Variants in SLC17A6 observed in about 807,000 individuals in gnomAD.
SLC17A6 encodes solute carrier family 17 member 6.
SLC17A6 carries 35 observed loss-of-function variants against 67.1 expected under a neutral mutation model. The ratio of observed to expected loss-of-function variants is 0.52; its 90% CI spans 0.40 to 0.69. SLC17A6 has a LOEUF of 0.69. Ranked by LOEUF, SLC17A6 falls within the 30% of genes least tolerant of loss-of-function variation. SLC17A6 has a pLI of 0.00. For synonymous variants in SLC17A6, 285 were observed against 252.3 expected, an observed-to-expected ratio of 1.13 and a Z score of -1.23; for missense variants, 588 against 723.9, an observed-to-expected ratio of 0.81 and a Z score of 2.15.
chr11:22,342,957 G>C (rs1011287563), intron 2 of SLC17A6: 2 of 523,438 alleles, frequency 3.8e-6, no homozygotes, highest in African/African-American at 3.8e-5. Flanking sequence ...CAAGACGGGG[G>C]CCCTCTAGAT....
chr11:22,354,373 C>A (rs563494281), intron 3 of SLC17A6, among the ~76,000 whole-genome samples: 18 of 152,122 alleles, frequency 1.2e-4, no homozygotes, highest in Admixed American at 3.3e-4. Context: ...CGTGAGCCAC[C>A]GCGCCCGGCA....
rs758819904 is a variant in SLC17A6, at chr11:22,338,564, C to T, written c.31C>T (p.Pro11Ser). 1 of 1,613,556 alleles carries T rather than the reference C, an allele frequency of 6.2e-7. No individual in the cohort carries two copies. Among genetic ancestry groups the T allele is most frequent in the South Asian group, 1.1e-5 (1 of 90,996 alleles). ...ATCCGTAAAACAAAGGATTTTGGCC[C>T]CAGGAAAAGAGGGGCTAAAGAATTT... MESVKQRILA[P>S]GKEGLKNFAG... Residue 11 changes from proline (P) to serine (S), a missense_variant, in exon 1 of 12, where the codon CCA becomes TCA. Physicochemically the swap from Pro to Ser is moderately conservative, Grantham distance 74. This residue lies in a region of SLC17A6 where 117 missense variants were observed against 98.7 expected (regional missense o/e 1.19). Transcript: ENST00000263160.
At chr11:22,377,327 G>T in intron 11 of SLC17A6, 78 bp from the exon 12 acceptor site, 1 of 1,300,530 alleles carries the variant, frequency 7.7e-7, no homozygotes, top group Non-Finnish European at 1.1e-6. Context: ...AAACTCAGTG[G>T]TGGTGCATTC....
intron 7 of SLC17A6, among the ~76,000 whole-genome samples, chr11:22,368,353 G>C (rs532375118): frequency 6.6e-6 from 1 of 151,806 alleles, no homozygotes; most frequent in Non-Finnish European, 1.5e-5. Context: ...TTTTAAATCT[G>C]TTTTTCTTTA....
intron 7 of SLC17A6, among the ~76,000 whole-genome samples, chr11:22,366,810 G>C (rs182022972): frequency 6.6e-6 from 1 of 152,164 alleles, no homozygotes; most frequent in Admixed American, 6.5e-5. Flanking sequence ...TTTGAGACCA[G>C]TCTGGCCAAC....
Position 22,343,233 on chromosome 11 carries a change from C to T in SLC17A6, c.340-14C>T, listed in dbSNP as rs779510431. 1 of 1,606,870 alleles carries T rather than the reference C, an allele frequency of 6.2e-7. No individual in the cohort carries two copies. The highest frequency in any genetic ancestry group is 2.2e-5 in the East Asian group (1 of 44,834). On this transcript the variant is annotated splice_polypyrimidine_tract_variant and intron_variant, in intron 2 of 11. Transcript: ENST00000263160. ...TACTCTTTCCCTTCACACTTTTTTCCTACCCCTCCATAGAAAGCCAAATTC... is the reference window on the plus strand; with the variant it reads ...TACTCTTTCCCTTCACACTTTTTTCTTACCCCTCCATAGAAAGCCAAATTC...
Position 22,361,125 on chromosome 11 carries a change from C to A in SLC17A6, c.661+141C>A, listed in dbSNP as rs543660108. 6.1e-4 allele frequency: 341 copies of A among 563,374 alleles called. 1 individual carries two copies. The highest frequency in any genetic ancestry group is 9.0e-4 in the Non-Finnish European group (286 of 317,420). The allele number at this position is 563,374 out of a possible 1,614,324, so 34.9% of individuals were successfully genotyped here. A position where few individuals can be genotyped will look rare whatever the true frequency, so the allele number is the denominator to read the frequency against. ...TGTGAGTGGTAAGGTTTTTGACCAC[C>A]ATTTCCATTTCTTTAGTTTTATTGT... On this transcript the variant is annotated intron_variant, in intron 5 of 11. Coordinates refer to ENST00000263160, the MANE Select transcript of SLC17A6 (RefSeq NM_020346.3).
At chr11:22,347,732 T>G (rs543625699) in intron 3 of SLC17A6, among the ~76,000 whole-genome samples, 1 of 152,322 alleles carries the variant, frequency 6.6e-6, no homozygotes, top group East Asian at 1.9e-4. Context: ...TTTAAAGAGC[T>G]GTTTTAAAAA....
At chr11:22,353,530 T>TA (rs1190560365) in intron 3 of SLC17A6, among the ~76,000 whole-genome samples, 1 of 152,132 alleles carries the variant, frequency 6.6e-6, no homozygotes, top group Non-Finnish European at 1.5e-5. Flanking sequence ...CACAGGGTAA[T>TA]AAAAAAAGAA....
chr11:22,363,391 A>G (rs1856074256), intron 6 of SLC17A6, among the ~76,000 whole-genome samples: 1 of 152,238 alleles, frequency 6.6e-6, no homozygotes, highest in African/African-American at 2.4e-5. Flanking sequence ...TCCTAAGTCT[A>G]AAACAGTCTT....
At position 22,376,531 on chromosome 11, in the gene SLC17A6, T is replaced by C. The variant is rs201792943; in HGVS notation, c.1286-14T>C. The stretch of plus-strand genomic sequence containing the variant: ...TTAGGATGCCCTGAGTCAAAACTTA[T>C]GTGTGTATTTCAGGTTTCAATGTTA... On this transcript the variant is annotated splice_polypyrimidine_tract_variant and intron_variant, in intron 10 of 11. Transcript: ENST00000263160. 8.1e-5 allele frequency: 130 copies of C among 1,613,792 alleles called. 1 individual carries two copies. The highest frequency in any genetic ancestry group is 6.7e-5 in the Admixed American group (4 of 60,006).
At position 22,376,105 on chromosome 11, in the gene SLC17A6, T is replaced by C. The variant is rs1856229898; in HGVS notation, c.1285+13T>C. The C allele has an allele frequency of 7.6e-6, 12 of 1,585,610 alleles. No individual in the cohort carries two copies. Among genetic ancestry groups the C allele is most frequent in the Middle Eastern group, 1.7e-4 (1 of 5,916 alleles). On this transcript the variant is annotated intron_variant, in intron 10 of 11. Coordinates refer to ENST00000263160, the MANE Select transcript of SLC17A6 (RefSeq NM_020346.3). ...TTTGCTATATCTGGTAAGATATAAT[T>C]TTTTTTCTTTGTACTTGGGACATTC...
intron 7 of SLC17A6, among the ~76,000 whole-genome samples, chr11:22,368,479 G>C (rs1165957601): frequency 6.6e-6 from 1 of 151,906 alleles, no homozygotes; most frequent in Non-Finnish European, 1.5e-5. Context: ...AACATTATCA[G>C]AATACCATAA....
At chr11:22,374,194 C>T (rs1446018513) in intron 8 of SLC17A6, among the ~76,000 whole-genome samples, 1 of 151,880 alleles carries the variant, frequency 6.6e-6, no homozygotes, top group East Asian at 1.9e-4. Flanking sequence ...TATATGCCAC[C>T]ATACAAAAAT....
At chr11:22,350,458 C>T (rs1192645495) in intron 3 of SLC17A6, among the ~76,000 whole-genome samples, 4 of 149,900 alleles carry the variant, frequency 2.7e-5, no homozygotes, top group Admixed American at 2.7e-4. Context: ...GAGGAAATCA[C>T]AAAAAAAAAC....
At chr11:22,369,664 C>T (rs1031546575) in intron 7 of SLC17A6, among the ~76,000 whole-genome samples, 5 of 151,620 alleles carry the variant, frequency 3.3e-5, no homozygotes, top group Admixed American at 2.6e-4. Flanking sequence ...CACAAGCTCA[C>T]TGATGTGGCA....
At chr11:22,359,886 CTAAG>C (rs1856030472) in intron 4 of SLC17A6, among the ~76,000 whole-genome samples, 1 of 152,010 alleles carries the variant, frequency 6.6e-6, no homozygotes, top group Admixed American at 6.6e-5. Flanking sequence ...GAGTTTTATA[CTAAG>C]TAAGTTCCTG....
intron 3 of SLC17A6, among the ~76,000 whole-genome samples, chr11:22,353,629 A>G (rs1472017471): frequency 2.0e-5 from 3 of 152,234 alleles, no homozygotes; most frequent in Non-Finnish European, 4.4e-5. Context: ...GTCAATAAGA[A>G]TGGTCAAAAG....
At position 22,376,107 on chromosome 11, in the gene SLC17A6, T is replaced by G. The variant is rs1320740198; in HGVS notation, c.1285+15T>G. ...TGCTATATCTGGTAAGATATAATTT[T>G]TTTTCTTTGTACTTGGGACATTCTG... On this transcript the variant is annotated intron_variant, in intron 10 of 11. Transcript: ENST00000263160. 3 of 1,584,044 alleles carry G rather than the reference T, an allele frequency of 1.9e-6. No homozygotes were observed. The highest frequency in any genetic ancestry group is 2.6e-6 in the Non-Finnish European group (3 of 1,156,934).
Sources: allele counts gnomAD v4.1 joint callset (sites outside exome capture counted in the v4.1 genomes callset), GRCh38; gene constraint gnomAD v4.1.1; regional missense constraint gnomAD v4.1.1; transcripts MANE v1.5; gene names NCBI Gene and HGNC (gene_info 2026-07-23, HGNC 2026-07-21).